Variants in TRIM24 observed in about 807,000 individuals in gnomAD.
The protein encoded by TRIM24 is tripartite motif containing 24.
In TRIM24, 29 loss-of-function variants were observed where a neutral mutation model predicts 123.9. The observed-to-expected ratio is 0.23, with a 90% confidence interval of 0.17 to 0.32. TRIM24 has a LOEUF of 0.32. TRIM24 is among the 10% of genes least tolerant of loss of function. The probability of loss-of-function intolerance (pLI) is 1.00; values close to 1 mark genes in which losing one functional copy is unlikely to be tolerated. For missense variants in TRIM24, 932 were observed against 1,295.3 expected (o/e 0.72, Z 4.31); for synonymous variants, 456 against 461.1 (o/e 0.99, Z 0.14).
intron 2 of TRIM24, among the ~76,000 whole-genome samples, chr7:138,508,169 T>C (rs932376369): frequency 6.6e-6 from 1 of 152,238 alleles, no homozygotes; most frequent in African/African-American, 2.4e-5. Context: ...TTTTGTTGCA[T>C]AAACTGAGTT....
chr7:138,523,826 A>C (rs1796556028), intron 4 of TRIM24, among the ~76,000 whole-genome samples: 1 of 151,904 alleles, frequency 6.6e-6, no homozygotes, highest in Non-Finnish European at 1.5e-5. Flanking sequence ...AATTCTTTCC[A>C]ACTTGTTATA....
chr7:138,492,950 A>C (rs1438451075), intron 1 of TRIM24, among the ~76,000 whole-genome samples: 1 of 152,044 alleles, frequency 6.6e-6, no homozygotes, highest in Non-Finnish European at 1.5e-5. Flanking sequence ...TAATCTTCAG[A>C]CTGGATAATT....
rs1335952963 is a variant in TRIM24, at chr7:138,586,817, C to T, written c.*1866C>T. On this transcript the variant is annotated 3_prime_UTR_variant, in exon 19 of 19. Transcript: ENST00000343526. ...CAGTTTATTCTTCCATACTTGTCTCCCAAGTTAAAACAGAGCAAAACAGAT... is the reference window on the plus strand; with the variant it reads ...CAGTTTATTCTTCCATACTTGTCTCTCAAGTTAAAACAGAGCAAAACAGAT... The T allele has an allele frequency of 6.6e-6, 1 of 152,042 alleles. No individual in the cohort carries two copies. The highest frequency in any genetic ancestry group is 2.4e-5 in the African/African-American group (1 of 41,354). 9.4% of individuals were successfully genotyped at this position (152,042 alleles called of 1,614,324 possible). A position where few individuals can be genotyped will look rare whatever the true frequency, so the allele number is the denominator to read the frequency against.
chr7:138,480,676 A>G (rs1795506553), intron 1 of TRIM24, among the ~76,000 whole-genome samples: 1 of 152,124 alleles, frequency 6.6e-6, no homozygotes, highest in African/African-American at 2.4e-5. Flanking sequence ...ATTCCTGATC[A>G]TAGAGAAGGT....
At chr7:138,538,032 C>T (rs1261758128) in intron 6 of TRIM24, among the ~76,000 whole-genome samples, 2 of 152,166 alleles carry the variant, frequency 1.3e-5, no homozygotes, top group Non-Finnish European at 2.9e-5. Flanking sequence ...ACATACATAC[C>T]TCCTTTAGAG....
intron 7 of TRIM24, among the ~76,000 whole-genome samples, chr7:138,541,087 G>A (rs745381928): frequency 8.5e-5 from 13 of 152,054 alleles, no homozygotes; most frequent in African/African-American, 3.1e-4. Context: ...TGATCCACCC[G>A]CCTTGGCCTC....
At chr7:138,489,034 G>T (rs184753373) in intron 1 of TRIM24, among the ~76,000 whole-genome samples, 1 of 152,204 alleles carries the variant, frequency 6.6e-6, no homozygotes, top group Non-Finnish European at 1.5e-5. Flanking sequence ...GGGTGCTCCT[G>T]TATTGGGTGC....
chr7:138,570,222 C>G (rs1337418781), intron 10 of TRIM24, among the ~76,000 whole-genome samples: 1 of 152,202 alleles, frequency 6.6e-6, no homozygotes, highest in Non-Finnish European at 1.5e-5. Context: ...GCTGCGATTA[C>G]AGGCATGAGC....
At chr7:138,533,256 T>C (rs1796786657) in intron 6 of TRIM24, among the ~76,000 whole-genome samples, 1 of 151,094 alleles carries the variant, frequency 6.6e-6, no homozygotes, top group Admixed American at 6.6e-5. Context: ...CTATGTTGAA[T>C]AGTAGGAGTG....
chr7:138,461,306 C>T (rs2116431360), intron 1 of TRIM24: 1 of 530,130 alleles, frequency 1.9e-6, no homozygotes. Flanking sequence ...TGTCCAGGTC[C>T]ATATGATCCT....
chr7:138,521,994 C>T (rs952823199), intron 4 of TRIM24, among the ~76,000 whole-genome samples: 1 of 152,082 alleles, frequency 6.6e-6, no homozygotes, highest in African/African-American at 2.4e-5. Context: ...AGCAGTGTGG[C>T]AGGTGCCTGT....
intron 1 of TRIM24, among the ~76,000 whole-genome samples, chr7:138,501,137 C>A (rs1796029815): frequency 6.6e-6 from 1 of 152,172 alleles, no homozygotes; most frequent in Non-Finnish European, 1.5e-5. Flanking sequence ...ACACCAGCAT[C>A]ACCCTAAACA....
intron 12 of TRIM24, among the ~76,000 whole-genome samples, chr7:138,575,027 C>T (rs1381018898): frequency 6.6e-6 from 1 of 152,080 alleles, no homozygotes; most frequent in African/African-American, 2.4e-5. Context: ...AATGTGCTCA[C>T]TTGTAAACAG....
At chr7:138,575,045 A>G (rs1797727767) in intron 12 of TRIM24, among the ~76,000 whole-genome samples, 2 of 152,198 alleles carry the variant, frequency 1.3e-5, no homozygotes, top group Non-Finnish European at 2.9e-5. Flanking sequence ...CAGATTATTT[A>G]CCTATTCAGA....
chr7:138,505,684 A>C (rs1796138971), intron 2 of TRIM24, among the ~76,000 whole-genome samples: 1 of 152,062 alleles, frequency 6.6e-6, no homozygotes, highest in Non-Finnish European at 1.5e-5. Flanking sequence ...CTACAGCTTT[A>C]TGCCACCATG....
chr7:138,489,125 T>C (rs1236397507), intron 1 of TRIM24, among the ~76,000 whole-genome samples: 1 of 152,184 alleles, frequency 6.6e-6, no homozygotes, highest in Non-Finnish European at 1.5e-5. Context: ...TCTCCTTTGA[T>C]CTTTGTTGGT....
In TRIM24 at chr7:138,579,546, TC is replaced by T; in HGVS notation, c.2585+17del. The stretch of plus-strand genomic sequence containing the variant: ...AAATTTTCCAAGGTAAGATAGTACT[TC>T]CCTTCCCACATTCTTTTACTGTAAA... On this transcript the variant is annotated intron_variant, in intron 15 of 18. Transcript: ENST00000343526. The T allele has an allele frequency of 9.0e-6, 14 of 1,558,628 alleles. No individual in the cohort carries two copies. The highest frequency in any genetic ancestry group is 1.2e-5 in the Non-Finnish European group (14 of 1,149,192).
intron 12 of TRIM24, among the ~76,000 whole-genome samples, chr7:138,574,849 G>A (rs2116678737): frequency 6.6e-6 from 1 of 152,258 alleles, no homozygotes; most frequent in East Asian, 1.9e-4. Context: ...GAAAATGTAT[G>A]TACCCTTGAA....
At chr7:138,541,627 G>A (rs1797007114) in intron 7 of TRIM24, among the ~76,000 whole-genome samples, 1 of 152,120 alleles carries the variant, frequency 6.6e-6, no homozygotes, top group Non-Finnish European at 1.5e-5. Flanking sequence ...AATGAGCATT[G>A]GCTTCAATTT....
Sources: allele counts gnomAD v4.1 joint callset (sites outside exome capture counted in the v4.1 genomes callset), GRCh38; gene constraint gnomAD v4.1.1; transcripts MANE v1.5; gene names NCBI Gene and HGNC (gene_info 2026-07-23, HGNC 2026-07-21).